HMGXB4: variants seen among roughly 807,000 people sequenced by gnomAD.
The protein encoded by HMGXB4 is HMG-box containing 4, also known as HMG domain-containing protein 4.
HMGXB4 carries 27 observed loss-of-function variants against 63.9 expected under a neutral mutation model. The observed-to-expected ratio is 0.42, with a 90% CI of 0.31 to 0.58. The LOEUF is 0.58. HMGXB4 is among the 20% of genes least tolerant of loss of function. The probability of loss-of-function intolerance (pLI) is 0.13; values close to 1 mark genes in which losing one functional copy is unlikely to be tolerated. For missense variants in HMGXB4, 624 were observed against 700.7 expected (o/e 0.89, Z 1.24); for synonymous variants, 264 against 265.3 (o/e 0.99, Z 0.05).
intron 7 of HMGXB4, chr22:35,287,134 T>C (rs1002810562): frequency 2.0e-6 from 1 of 501,202 alleles, no homozygotes; most frequent in Non-Finnish European, 3.7e-6. Context: ...CCATTAGCAT[T>C]GAGGAATGTT....
intron 5 of HMGXB4, among the ~76,000 whole-genome samples, chr22:35,269,847 G>T (rs1377113661): frequency 1.3e-5 from 2 of 152,206 alleles, no homozygotes; most frequent in Non-Finnish European, 2.9e-5. Flanking sequence ...GTGTGGTGAC[G>T]CATGACTGGA....
chr22:35,266,987 A>C (rs1283916397), intron 5 of HMGXB4, among the ~76,000 whole-genome samples: 3 of 152,138 alleles, frequency 2.0e-5, no homozygotes, highest in African/African-American at 7.2e-5. Context: ...TCCCTGTCTC[A>C]AAAGAAAAAA....
At chr22:35,267,990 A>AGGAGAATCGCTTGAGCCC (rs1173109414) in intron 5 of HMGXB4, among the ~76,000 whole-genome samples, 1 of 152,246 alleles carries the variant, frequency 6.6e-6, no homozygotes, top group East Asian at 1.9e-4. Flanking sequence ...AGGCTGAGGC[A>AGGAGAATCGCTTGAGCCC]GGAGAATCGC....
At chr22:35,287,257 T>C (rs879110122) in intron 7 of HMGXB4, 90 bp from the exon 8 acceptor site, 12 of 1,047,900 alleles carry the variant, frequency 1.1e-5, no homozygotes, top group Non-Finnish European at 1.4e-6. Context: ...CTATTGCCTT[T>C]CTTTTCTCCA....
intron 2 of HMGXB4, chr22:35,262,790 G>T: frequency 1.9e-6 from 1 of 518,036 alleles, no homozygotes; most frequent in Non-Finnish European, 3.4e-6. Flanking sequence ...TCGTCTGCAA[G>T]TCTGTGTCCT....
chr22:35,290,884 T>C (rs1924895332), intron 9 of HMGXB4, among the ~76,000 whole-genome samples: 1 of 152,226 alleles, frequency 6.6e-6, no homozygotes, highest in African/African-American at 2.4e-5. Context: ...AATGGACATA[T>C]AATTATCAAA....
chr22:35,267,369 A>G (rs981145208), intron 5 of HMGXB4, among the ~76,000 whole-genome samples: 3 of 152,172 alleles, frequency 2.0e-5, no homozygotes, highest in African/African-American at 2.4e-5. Context: ...TATCCTAAGA[A>G]TTTCCAGTCT....
chr22:35,268,370 T>C (rs560058728), intron 5 of HMGXB4, among the ~76,000 whole-genome samples: 1 of 152,380 alleles, frequency 6.6e-6, no homozygotes, highest in Admixed American at 6.5e-5. Flanking sequence ...TCCTCCTTAA[T>C]ATCTTTCAAG....
chr22:35,290,049 G>A (rs1248910827), intron 9 of HMGXB4, among the ~76,000 whole-genome samples: 1 of 152,206 alleles, frequency 6.6e-6, no homozygotes, highest in Non-Finnish European at 1.5e-5. Context: ...AATTTTAGCA[G>A]TAGTCAAAAG....
intron 3 of HMGXB4, 87 bp from the exon 4 acceptor site, chr22:35,263,709 A>G: frequency 1.1e-6 from 1 of 914,436 alleles, no homozygotes; most frequent in Non-Finnish European, 1.8e-6. Flanking sequence ...TTTGTTTCCC[A>G]AAATCAAAAA....
chr22:35,273,994 G>T lies in HMGXB4; in HGVS notation c.1215+8391G>T, dbSNP rs73420632. ...TCTTCATGCGCAGTTCTGAGACTTT[G>T]CTATTCAATAGTACATATTTACTCT... is the stretch of plus-strand genomic sequence containing the variant. On this transcript the variant is annotated intron_variant, in intron 5 of 10. Coordinates refer to ENST00000216106, the MANE Select transcript of HMGXB4 (RefSeq NM_001003681.3). Among the ~76,000 whole-genome samples the T allele has an allele frequency of 8.1e-3, 1,228 of 152,292 alleles. 10 individuals carry two copies. Among genetic ancestry groups the T allele is most frequent in the African/African-American group, 0.028 (1,147 of 41,560 alleles).
At chr22:35,253,144 A>AAAAG (rs569919305), upstream of HMGXB4, among the ~76,000 whole-genome samples, 5 of 125,374 alleles carry the variant, frequency 4.0e-5, no homozygotes, top group African/African-American at 1.1e-4. Context: ...AAAAAAAAAA[A>AAAAG]AAAAAAGAAA....
chr22:35,252,321 A>G, the HMGXB4 span, among the ~76,000 whole-genome samples: 247 of 152,374 alleles, frequency 1.6e-3, 1 homozygote, highest in African/African-American at 5.6e-3. Flanking sequence ...TCTCTAGAAC[A>G]TATGCATCTT....
At chr22:35,277,651 G>A (rs1923992158) in intron 5 of HMGXB4, among the ~76,000 whole-genome samples, 1 of 152,144 alleles carries the variant, frequency 6.6e-6, no homozygotes, top group Admixed American at 6.5e-5. Flanking sequence ...CCCAGCCAAT[G>A]TGGTTTCTAT....
At chr22:35,282,367 G>T (rs186165743) in intron 5 of HMGXB4, among the ~76,000 whole-genome samples, 17 of 152,024 alleles carry the variant, frequency 1.1e-4, no homozygotes, top group Non-Finnish European at 2.1e-4. Flanking sequence ...TAGTAGAGAC[G>T]GGGTTTCACC....
intron 5 of HMGXB4, among the ~76,000 whole-genome samples, chr22:35,276,631 T>C (rs1923930324): frequency 6.6e-6 from 1 of 152,136 alleles, no homozygotes; most frequent in Non-Finnish European, 1.5e-5. Flanking sequence ...TGCCTCTCCA[T>C]TGTATCTTAG....
chr22:35,250,734 AAGGGGCAGGGGC>A, the HMGXB4 span, among the ~76,000 whole-genome samples: 1 of 152,038 alleles, frequency 6.6e-6, no homozygotes, highest in African/African-American at 2.4e-5. Flanking sequence ...CATAACACTG[AAGGGGCAGGGGC>A]AGGGGCAGGG....
At chr22:35,245,840 G>C in the HMGXB4 span, among the ~76,000 whole-genome samples, 1 of 152,146 alleles carries the variant, frequency 6.6e-6, no homozygotes, top group African/African-American at 2.4e-5. Flanking sequence ...GGCTTCTGCT[G>C]CTCTCTCCTG....
chr22:35,284,873 C>A (rs1924469202), intron 6 of HMGXB4, among the ~76,000 whole-genome samples: 1 of 152,172 alleles, frequency 6.6e-6, no homozygotes, highest in South Asian at 2.1e-4. Context: ...AATCGCTGCC[C>A]TACCAACTCC....
Sources: gnomAD v4.1 joint callset for allele counts (sites outside exome capture counted in the v4.1 genomes callset) on GRCh38, gnomAD v4.1.1 for gene constraint, MANE v1.5 for transcripts, NCBI Gene and HGNC (gene_info 2026-07-23, HGNC 2026-07-21) for gene names.